XRN1: variants seen among roughly 807,000 people sequenced by gnomAD.
XRN1 encodes the protein 5'-3' exoribonuclease 1.
A neutral mutation model predicts 222.3 loss-of-function variants in XRN1; 67 were observed. The ratio of observed to expected loss-of-function variants is 0.30; its 90% CI spans 0.25 to 0.37. The LOEUF (loss-of-function observed/expected upper bound fraction) is 0.37. Ranked by LOEUF, XRN1 falls within the 10% of genes least tolerant of loss-of-function variation. XRN1 has a pLI of 1.00. For missense variants in XRN1, 1,707 were observed against 2,000.2 expected (o/e 0.85, Z 2.80); for synonymous variants, 643 against 652.4 (o/e 0.99, Z 0.22).
chr3:142,332,886 T>C (rs2065741110), intron 35 of XRN1, 81 bp downstream of exon 35: 27 of 1,541,648 alleles, frequency 1.8e-5, no homozygotes, highest in Non-Finnish European at 2.4e-5. Context: ...ATGGAAGTGT[T>C]TGAACACTTG....
At position 142,318,812 on chromosome 3, in the gene XRN1, G is replaced by A; in HGVS notation, c.4496C>T (p.Ala1499Val). 6.2e-7 allele frequency: 1 copy of A among 1,613,948 alleles called. No individual in the cohort carries two copies. Among genetic ancestry groups the A allele is most frequent in the Non-Finnish European group, 8.5e-7 (1 of 1,179,890 alleles). ...TACCAACTGTTGTAAAGCAAAAAGT[G>A]CAGCTTTCTCTTTGGCTTCATTTTC... Reference protein sequence around the residue: ...HSENEAKEKAALFALQQLGSL... With the variant: ...HSENEAKEKAVLFALQQLGSL... Residue 1499 changes from alanine to valine, a missense_variant, in exon 38 of 41, where the codon GCA becomes GTA. This residue lies in a region of XRN1 where 473 missense variants were observed against 482.0 expected (regional missense o/e 0.98). Transcript: ENST00000392981.
intron 37 of XRN1, among the ~76,000 whole-genome samples, chr3:142,323,896 C>T (rs1463890023): frequency 6.6e-6 from 1 of 151,362 alleles, no homozygotes; most frequent in Non-Finnish European, 1.5e-5. Flanking sequence ...TTTATGAATA[C>T]ATAATAATTA....
chr3:142,316,022 C>T (rs1047877619), intron 39 of XRN1, among the ~76,000 whole-genome samples: 1 of 152,042 alleles, frequency 6.6e-6, no homozygotes, highest in Admixed American at 6.6e-5. Context: ...CCTGTACTCC[C>T]AATGTAAGTA....
chr3:142,344,179 G>A (rs1421989359), intron 33 of XRN1, among the ~76,000 whole-genome samples: 11 of 151,754 alleles, frequency 7.2e-5, no homozygotes. Flanking sequence ...AGCATAATGG[G>A]GTGACTATAA....
chr3:142,444,624 A>T (rs2070418971), intron 1 of XRN1, among the ~76,000 whole-genome samples: 1 of 152,184 alleles, frequency 6.6e-6, no homozygotes, highest in Non-Finnish European at 1.5e-5. Flanking sequence ...TAAAAAATAA[A>T]AAAAAAGAAT....
chr3:142,374,662 A>G (rs2067087418), intron 25 of XRN1, among the ~76,000 whole-genome samples: 1 of 152,184 alleles, frequency 6.6e-6, no homozygotes, highest in African/African-American at 2.4e-5. Context: ...AGCCACTCAC[A>G]GCAGAAAATC....
chr3:142,417,427 T>G (rs1014287222), intron 12 of XRN1, among the ~76,000 whole-genome samples, 198 bp from the exon 13 acceptor site: 10 of 152,244 alleles, frequency 6.6e-5, no homozygotes, highest in African/African-American at 2.4e-4. Context: ...ACAGTTTTCC[T>G]AAACCAACTA....
At chr3:142,410,257 C>T (rs2068512386) in intron 15 of XRN1, among the ~76,000 whole-genome samples, 1 of 151,984 alleles carries the variant, frequency 6.6e-6, no homozygotes, top group Admixed American at 6.6e-5. Flanking sequence ...ATGCCTTTAT[C>T]ATAAGGTTGA....
intron 30 of XRN1, 131 bp downstream of exon 30, chr3:142,359,731 G>A: frequency 1.7e-6 from 1 of 590,676 alleles, no homozygotes; most frequent in Non-Finnish European, 2.8e-6. Flanking sequence ...CTTATTCAGT[G>A]TTACATCCCT....
intron 5 of XRN1, 116 bp downstream of exon 5, chr3:142,425,106 C>T: frequency 1.5e-6 from 1 of 666,440 alleles, no homozygotes; most frequent in Non-Finnish European, 2.3e-6. Context: ...AAGTAGCAAT[C>T]ATTATTGTGT....
intron 2 of XRN1, among the ~76,000 whole-genome samples, chr3:142,431,892 A>G (rs1360995117): frequency 3.5e-5 from 1 of 28,888 alleles, no homozygotes; most frequent in South Asian, 5.7e-4. Flanking sequence ...TATTATATAT[A>G]ATATATATAT....
chr3:142,326,840 G>T (rs2065530759), intron 37 of XRN1, among the ~76,000 whole-genome samples: 2 of 152,098 alleles, frequency 1.3e-5, no homozygotes, highest in South Asian at 4.1e-4. Context: ...AAGAGATGCT[G>T]AATTTTATCA....
At chr3:142,392,208 C>G (rs1210052895) in intron 20 of XRN1, among the ~76,000 whole-genome samples, 1 of 152,158 alleles carries the variant, frequency 6.6e-6, no homozygotes, top group Non-Finnish European at 1.5e-5. Context: ...CTACCCTCCA[C>G]TTCCCATTCT....
In XRN1 at chr3:142,335,487, A is replaced by C. The variant is rs1560300024; in HGVS notation, c.3900T>G (p.Pro1300=). ...TTTTTTGGGACCAACACTCAGCTTT[A>C]GGACTCTTACACTCTTCTTTAACTA... ...HRKFKEECKS[P]KAECWSQKMS... The change falls in exon 34 of 41, where the codon CCT becomes CCG. Residue 1300 remains proline, a synonymous_variant. Transcript: ENST00000392981. The C allele has an allele frequency of 3.1e-6, 5 of 1,613,870 alleles. No individual in the cohort carries two copies. Among genetic ancestry groups the C allele is most frequent in the East Asian group, 2.2e-5 (1 of 44,856 alleles).
intron 33 of XRN1, 26 bp downstream of exon 33, chr3:142,347,208 G>T: frequency 6.9e-7 from 1 of 1,449,496 alleles, no homozygotes; most frequent in Non-Finnish European, 9.6e-7. Context: ...GCACACACAA[G>T]TACACCTTTC....
chr3:142,318,240 T>G (rs1011379740), intron 39 of XRN1, among the ~76,000 whole-genome samples: 1 of 149,310 alleles, frequency 6.7e-6, no homozygotes, highest in Admixed American at 6.7e-5. Flanking sequence ...TACAAAATGT[T>G]AGTCTCAACA....
chr3:142,421,576 A>C, intron 8 of XRN1, 33 bp from the exon 9 acceptor site: 1 of 1,484,544 alleles, frequency 6.7e-7, no homozygotes. Flanking sequence ...TCTGTACTAA[A>C]AGCTGACATT....
At chr3:142,344,179 G>C (rs1421989359) in intron 33 of XRN1, among the ~76,000 whole-genome samples, 9 of 151,754 alleles carry the variant, frequency 5.9e-5, no homozygotes, top group Non-Finnish European at 1.3e-4. Context: ...AGCATAATGG[G>C]GTGACTATAA....
At chr3:142,348,475 ATCAGATCCTT>A (rs1245219027) in intron 32 of XRN1, among the ~76,000 whole-genome samples, 1 of 152,242 alleles carries the variant, frequency 6.6e-6, no homozygotes, top group Non-Finnish European at 1.5e-5. Context: ...TGAAGATTCT[ATCAGATCCTT>A]TCATTTTTGG....
Sources: gnomAD v4.1 joint callset for allele counts (sites outside exome capture counted in the v4.1 genomes callset) on GRCh38, gnomAD v4.1.1 for gene constraint, gnomAD v4.1.1 regional missense constraint, MANE v1.5 for transcripts, NCBI Gene and HGNC (gene_info 2026-07-23, HGNC 2026-07-21) for gene names.